Variants in HDAC8 observed in about 807,000 individuals in gnomAD.
HDAC8 encodes the protein histone deacetylase 8.
HDAC8 carries 1 observed loss-of-function variant against 32.2 expected under a neutral mutation model. That is an observed-to-expected ratio of 0.03 (90% confidence interval 0.01 to 0.15). The LOEUF (loss-of-function observed/expected upper bound fraction) is 0.15, where lower values mean the gene tolerates loss of function less well. Among genes scored for constraint, HDAC8 ranks in the 10% least tolerant of loss-of-function variants. The pLI is 1.00. For missense variants in HDAC8, 117 were observed against 300.0 expected, an observed-to-expected ratio of 0.39 and a Z score of 4.51; for synonymous variants, 108 against 113.9, an observed-to-expected ratio of 0.95 and a Z score of 0.33.
intron 7 of HDAC8, among the ~76,000 whole-genome samples, chrX:72,484,183 C>A (rs185035133): frequency 8.9e-6 from 1 of 111,771 alleles, no homozygotes; most frequent in South Asian, 3.7e-4. Flanking sequence ...TTGAGCTATA[C>A]AATATAAGCC....
chrX:72,501,690 C>T (rs1379171023), intron 4 of HDAC8, among the ~76,000 whole-genome samples: 1 of 111,914 alleles, frequency 8.9e-6, no homozygotes, highest in Non-Finnish European at 1.9e-5. Context: ...CTAGGTAATA[C>T]CATTCTGAAC....
rs1246046167 is a variant in HDAC8, at chrX:72,559,724, C to A, written c.437+8165G>T. 2.8e-5 allele frequency among the ~76,000 whole-genome samples: 3 copies of A among 109,048 alleles called. No homozygotes were observed. In the East Asian group the frequency reaches 8.7e-4, roughly 32 times the overall value. The allele number at this position is 109,048 out of a possible 115,157, so 94.7% of individuals were successfully genotyped here. Reference sequence around the variant, plus strand: ...AGGAGCGCCTCTGCCCAGCCGGGACCCCATCTGGGAGGTGAGGAGCATCTC... The same window carrying A: ...AGGAGCGCCTCTGCCCAGCCGGGACACCATCTGGGAGGTGAGGAGCATCTC... On this transcript the variant is annotated intron_variant, in intron 4 of 10. Transcript: ENST00000373573.
At chrX:72,347,477 C>A (rs551594204) in intron 10 of HDAC8, among the ~76,000 whole-genome samples, 32 of 111,832 alleles carry the variant, frequency 2.9e-4, no homozygotes, top group African/African-American at 1.0e-3. Flanking sequence ...CACATTCTCA[C>A]AAATGCACAA....
At chrX:72,432,406 G>T (rs1602803800) in intron 9 of HDAC8, among the ~76,000 whole-genome samples, 1 of 110,974 alleles carries the variant, frequency 9.0e-6, no homozygotes, top group East Asian at 2.9e-4. Flanking sequence ...TCTGGTCCCG[G>T]CCCATTCCAT....
At chrX:72,426,343 A>G (rs12690254) in intron 9 of HDAC8, among the ~76,000 whole-genome samples, 9,363 of 111,733 alleles carry the variant, frequency 0.084, 1,011 homozygotes, top group East Asian at 0.74. Flanking sequence ...TTACTCATCC[A>G]GCATCCTTAC....
intron 4 of HDAC8, among the ~76,000 whole-genome samples, chrX:72,522,791 G>A (rs2050022948): frequency 8.9e-6 from 1 of 112,345 alleles, no homozygotes; most frequent in Non-Finnish European, 1.9e-5. Context: ...GACAAAAAAT[G>A]TAATGATCTG....
rs60517532 is a variant in HDAC8 at position 72,469,149 on chromosome X, GTTT to G, written c.738-4421_738-4419del. 1.2e-4 allele frequency among the ~76,000 whole-genome samples: 13 copies of G among 105,438 alleles called. No homozygotes were observed. The South Asian group carries it at 5.5e-3, about 44-fold the overall frequency. 91.6% of individuals were successfully genotyped at this position (105,438 alleles called of 115,157 possible). ...TTCTTACTGTAACTCCTATTCCCTA[GTTT>G]TTTTTTTCCTATTTTCAAAGTACAC... On this transcript the variant is annotated intron_variant, in intron 7 of 10. Coordinates refer to ENST00000373573, the MANE Select transcript of HDAC8 (RefSeq NM_018486.3).
At chrX:72,436,391 G>C (rs781874478) in intron 9 of HDAC8, among the ~76,000 whole-genome samples, 1 of 111,806 alleles carries the variant, frequency 8.9e-6, no homozygotes, top group South Asian at 3.8e-4. Flanking sequence ...AAAAACCATG[G>C]AGGTCAGAGG....
intron 4 of HDAC8, among the ~76,000 whole-genome samples, chrX:72,520,689 C>A: frequency 8.9e-6 from 1 of 112,543 alleles, no homozygotes; most frequent in Admixed American, 9.4e-5. Flanking sequence ...TTTCCCAAAT[C>A]ATTCCAAAAA....
chrX:72,449,736 C>G (rs1279088731), intron 9 of HDAC8, among the ~76,000 whole-genome samples: 1 of 110,969 alleles, frequency 9.0e-6, no homozygotes, highest in East Asian at 2.8e-4. Flanking sequence ...CCAATTATAT[C>G]CTGTCTACAA....
At chrX:72,356,131 T>C (rs1255929370) in intron 9 of HDAC8, among the ~76,000 whole-genome samples, 1 of 111,745 alleles carries the variant, frequency 8.9e-6, no homozygotes, top group Non-Finnish European at 1.9e-5. Context: ...CCCAGGACAG[T>C]AGGATAACTT....
intron 9 of HDAC8, among the ~76,000 whole-genome samples, chrX:72,382,209 C>T (rs1452742165): frequency 8.9e-6 from 1 of 112,442 alleles, no homozygotes; most frequent in Non-Finnish European, 1.9e-5. Context: ...TCTCAGATGT[C>T]TGAAGACGAG....
chrX:72,366,019 G>A (rs2044687768), intron 9 of HDAC8, among the ~76,000 whole-genome samples: 1 of 112,461 alleles, frequency 8.9e-6, no homozygotes, highest in Non-Finnish European at 1.9e-5. Flanking sequence ...GGAGTGAATG[G>A]AGATACAGCT....
intron 9 of HDAC8, among the ~76,000 whole-genome samples, chrX:72,381,512 T>C (rs2045266466): frequency 9.0e-6 from 1 of 111,664 alleles, no homozygotes; most frequent in Non-Finnish European, 1.9e-5. Context: ...ATCTCAAATG[T>C]AAATGTGGCA....
intron 4 of HDAC8, among the ~76,000 whole-genome samples, chrX:72,530,484 G>A (rs1048760952): frequency 7.0e-5 from 7 of 99,659 alleles, no homozygotes; most frequent in Admixed American, 1.1e-4. Flanking sequence ...TATCTCAGTC[G>A]TATCTCCTTA....
chrX:72,459,708 C>A (rs1013481539), intron 9 of HDAC8, among the ~76,000 whole-genome samples: 17 of 111,359 alleles, frequency 1.5e-4, no homozygotes, highest in African/African-American at 5.6e-4. Context: ...ACTTACACCA[C>A]CCTCCCTCCC....
chrX:72,378,859 C>T (rs1234516649), intron 9 of HDAC8, among the ~76,000 whole-genome samples: 1 of 109,508 alleles, frequency 9.1e-6, no homozygotes, highest in African/African-American at 3.3e-5. Context: ...TGAAGGATTC[C>T]CTTCAGTACT....
intron 9 of HDAC8, among the ~76,000 whole-genome samples, chrX:72,352,131 G>A (rs2044199744): frequency 9.0e-6 from 1 of 111,486 alleles, no homozygotes; most frequent in African/African-American, 3.3e-5. Flanking sequence ...CTTGTCCTCT[G>A]GCCACACTAG....
chrX:72,379,721 C>G (rs1256974454), intron 9 of HDAC8, among the ~76,000 whole-genome samples: 1 of 109,893 alleles, frequency 9.1e-6, no homozygotes, highest in African/African-American at 3.3e-5. Context: ...AGGCTGGTCT[C>G]AAACTCCTGA....
Sources: gnomAD v4.1 joint callset for allele counts (sites outside exome capture counted in the v4.1 genomes callset) on GRCh38, gnomAD v4.1.1 for gene constraint, MANE v1.5 for transcripts, NCBI Gene and HGNC (gene_info 2026-07-23, HGNC 2026-07-21) for gene names.